The following GLIS3 variants were observed in gnomAD, a reference collection of about 807,000 sequenced individuals.
GLIS3 encodes GLIS family zinc finger 3.
GLIS3 carries 53 observed loss-of-function variants against 78.6 expected under a neutral mutation model. The observed-to-expected ratio is 0.67, with a 90% confidence interval of 0.54 to 0.85. GLIS3 has a LOEUF of 0.85. GLIS3 is among the 40% of genes least tolerant of loss of function. The pLI is 0.00. For synonymous variants in GLIS3, 684 were observed against 509.9 expected (o/e 1.34, Z -4.60); for missense variants, 1,703 against 1,231.1 (o/e 1.38, Z -5.74).
At chr9:4,336,328 C>G (rs542063915) in intron 2 of GLIS3, among the ~76,000 whole-genome samples, 4 of 152,188 alleles carry the variant, frequency 2.6e-5, no homozygotes, top group African/African-American at 9.7e-5. Flanking sequence ...ATCCACTAAG[C>G]CCCTGGTGCT....
At chr9:3,828,708 T>C (rs1308009123) in intron 10 of GLIS3, among the ~76,000 whole-genome samples, 2 of 152,202 alleles carry the variant, frequency 1.3e-5, no homozygotes, top group East Asian at 3.9e-4. Context: ...GGTTGAGTCA[T>C]GAAAGAGAAT....
rs1820900023 is a variant in GLIS3, at chr9:3,870,451, T to TA, written c.2297+8975dup. ...TATTAGTCTGTTTTCATGCTGCTGTTAAAGACGTACCTGAGACTGGGCAAT... is the reference window on the plus strand; with the variant it reads ...TATTAGTCTGTTTTCATGCTGCTGTTAAAAGACGTACCTGAGACTGGGCAAT... On this transcript the variant is annotated intron_variant, in intron 8 of 10. Transcript: ENST00000381971. 2.0e-5 allele frequency among the ~76,000 whole-genome samples: 3 copies of TA among 152,298 alleles called. No homozygotes were observed. In the South Asian group the frequency reaches 6.2e-4, roughly 32 times the overall value.
intron 2 of GLIS3, among the ~76,000 whole-genome samples, chr9:4,263,543 AATTC>A (rs563799385): frequency 5.9e-5 from 9 of 151,888 alleles, no homozygotes; most frequent in South Asian, 2.1e-4. Context: ...CAGGTTTGTC[AATTC>A]ATTCATTCAT....
At chr9:3,911,045 T>G (rs1203239229) in intron 6 of GLIS3, among the ~76,000 whole-genome samples, 1 of 152,204 alleles carries the variant, frequency 6.6e-6, no homozygotes, top group Non-Finnish European at 1.5e-5. Flanking sequence ...ACTTTCTGTC[T>G]CTACTCATAC....
intron 2 of GLIS3, among the ~76,000 whole-genome samples, chr9:4,159,027 G>C (rs1416920737): frequency 2.5e-4 from 1 of 4,024 alleles, no homozygotes; most frequent in African/African-American, 1.5e-3. Context: ...AGAGAAAGGA[G>C]AAGAAGAAAA....
At position 3,928,818 on chromosome 9, in the gene GLIS3, TCA is replaced by T. The variant is rs764618208; in HGVS notation, c.1983+3540_1983+3541del. 7.9e-5 allele frequency among the ~76,000 whole-genome samples: 12 copies of T among 152,168 alleles called. No homozygotes were observed. In the South Asian group the frequency reaches 2.5e-3, roughly 31 times the overall value. ...CAATGTTTAACAAACATTTAACAAA[TCA>T]CAAATAAAGTTTGAATCTTTGTGGA... On this transcript the variant is annotated intron_variant, in intron 6 of 10. Coordinates refer to ENST00000381971, the MANE Select transcript of GLIS3 (RefSeq NM_001042413.2).
chr9:4,250,734 C>G (rs1399122720), intron 2 of GLIS3, among the ~76,000 whole-genome samples: 1 of 152,182 alleles, frequency 6.6e-6, no homozygotes, highest in African/African-American at 2.4e-5. Context: ...TTCCCACCTT[C>G]TTTTGTGGGC....
intron 2 of GLIS3, among the ~76,000 whole-genome samples, chr9:4,163,853 TTAATAA>T (rs1835687729): frequency 6.6e-6 from 1 of 152,170 alleles, no homozygotes; most frequent in Non-Finnish European, 1.5e-5. Flanking sequence ...ATTATTACTG[TTAATAA>T]TAATAACAAC....
At chr9:3,987,574 C>A (rs1036903600) in intron 4 of GLIS3, among the ~76,000 whole-genome samples, 2 of 150,992 alleles carry the variant, frequency 1.3e-5, no homozygotes, top group East Asian at 3.9e-4. Flanking sequence ...TTGTGGTGGG[C>A]GCCTGTAATC....
At chr9:4,311,997 G>T (rs1043016113) in intron 2 of GLIS3, among the ~76,000 whole-genome samples, 2 of 152,212 alleles carry the variant, frequency 1.3e-5, no homozygotes, top group Non-Finnish European at 2.9e-5. Context: ...TGGAGAGTGG[G>T]AGGAGGAAGA....
rs566484199 is a variant in GLIS3, at chr9:4,196,441, G to A, written c.389-70500C>T. On this transcript the variant is annotated intron_variant, in intron 2 of 10. Coordinates refer to ENST00000381971, the MANE Select transcript of GLIS3 (RefSeq NM_001042413.2). Reference sequence around the variant, plus strand: ...GAAGCTTTGTTCTTTCGCTCTTTGCGATAAATCTTGCTGCTCCTCACTATT... The same window carrying A: ...GAAGCTTTGTTCTTTCGCTCTTTGCAATAAATCTTGCTGCTCCTCACTATT... Among the ~76,000 whole-genome samples, 31 of 152,318 alleles carry A rather than the reference G, an allele frequency of 2.0e-4. No homozygotes were observed. The South Asian group carries it at 5.4e-3, about 26-fold the overall frequency.
chr9:4,185,989 T>A (rs1314227789), intron 2 of GLIS3, among the ~76,000 whole-genome samples: 1 of 151,656 alleles, frequency 6.6e-6, no homozygotes, highest in Non-Finnish European at 1.5e-5. Context: ...AGTTTTCTTC[T>A]TTTTTTTAAA....
chr9:4,193,731 C>T (rs10974384), intron 2 of GLIS3, among the ~76,000 whole-genome samples: 41,112 of 152,142 alleles, frequency 0.27, 6,698 homozygotes, highest in South Asian at 0.49. Context: ...GAATGAGGTG[C>T]TCTTGAGGAT....
chr9:4,028,024 C>G (rs1823493380), intron 4 of GLIS3, among the ~76,000 whole-genome samples: 1 of 152,176 alleles, frequency 6.6e-6, no homozygotes, highest in East Asian at 1.9e-4. Flanking sequence ...CCAGCGCAAC[C>G]CGGATCCACT....
At chr9:3,841,288 G>A (rs931285289) in intron 9 of GLIS3, among the ~76,000 whole-genome samples, 1 of 152,174 alleles carries the variant, frequency 6.6e-6, no homozygotes, top group African/African-American at 2.4e-5. Flanking sequence ...GGTTCAGTGA[G>A]TCCTGATGGT....
intron 4 of GLIS3, among the ~76,000 whole-genome samples, chr9:3,957,179 G>C (rs574000417): frequency 6.6e-6 from 1 of 152,310 alleles, no homozygotes; most frequent in East Asian, 1.9e-4. Flanking sequence ...AAATGGAAAA[G>C]CAGGATAAAA....
At chr9:3,864,257 T>C (rs776639042) in intron 8 of GLIS3, among the ~76,000 whole-genome samples, 46 of 152,206 alleles carry the variant, frequency 3.0e-4, no homozygotes, top group Non-Finnish European at 1.3e-4. Flanking sequence ...TTGTTCAGCA[T>C]GGTGTCAGAC....
intron 2 of GLIS3, among the ~76,000 whole-genome samples, chr9:4,249,347 A>C (rs574807781): frequency 1.3e-5 from 2 of 152,158 alleles, no homozygotes; most frequent in Non-Finnish European, 2.9e-5. Flanking sequence ...CATCCCTTCT[A>C]AGTTGGATTC....
chr9:4,292,367 A>G (rs1231127009), intron 1 of GLIS3, among the ~76,000 whole-genome samples: 1 of 152,182 alleles, frequency 6.6e-6, no homozygotes, highest in African/African-American at 2.4e-5. Flanking sequence ...ATGCATATAC[A>G]TCTTCTGGGT....
Sources: allele counts gnomAD v4.1 joint callset (sites outside exome capture counted in the v4.1 genomes callset), GRCh38; gene constraint gnomAD v4.1.1; transcripts MANE v1.5; gene names NCBI Gene and HGNC (gene_info 2026-07-23, HGNC 2026-07-21).